Variants in FGF12 observed in about 807,000 individuals in gnomAD.
The protein encoded by FGF12 is fibroblast growth factor 12, also known as fibroblast growth factor 12B.
FGF12 carries 14 observed loss-of-function variants against 23.6 expected under a neutral mutation model. The ratio of observed to expected loss-of-function variants is 0.59; its 90% CI spans 0.39 to 0.93. The LOEUF is 0.93. Ranked by LOEUF, FGF12 falls within the 40% of genes least tolerant of loss-of-function variation. The pLI is 0.00. For synonymous variants in FGF12, 62 were observed against 77.3 expected (o/e 0.80, Z 1.04); for missense variants, 175 against 217.8 (o/e 0.80, Z 1.24).
At chr3:192,701,146 C>A (rs1194577572) in intron 2 of FGF12, among the ~76,000 whole-genome samples, 1 of 152,156 alleles carries the variant, frequency 6.6e-6, no homozygotes, top group African/African-American at 2.4e-5. Context: ...TATCTTAACC[C>A]AGACACTCCT....
chr3:192,483,999 A>G (rs910058911), intron 2 of FGF12, among the ~76,000 whole-genome samples: 1 of 152,148 alleles, frequency 6.6e-6, no homozygotes, highest in African/African-American at 2.4e-5. Flanking sequence ...TGACTGATCA[A>G]TATAAAAAAA....
intron 2 of FGF12, among the ~76,000 whole-genome samples, chr3:192,394,048 A>T (rs554104062): frequency 6.6e-6 from 1 of 152,326 alleles, no homozygotes; most frequent in Admixed American, 6.5e-5. Flanking sequence ...ACTGTCCTGC[A>T]GTATGACATT....
At chr3:192,724,564 C>T (rs983736151) in intron 2 of FGF12, among the ~76,000 whole-genome samples, 3 of 152,292 alleles carry the variant, frequency 2.0e-5, no homozygotes, top group African/African-American at 7.2e-5. Flanking sequence ...TCCGTCAGAG[C>T]TGCTCGGACT....
At chr3:192,510,534 C>T (rs1297883127) in intron 2 of FGF12, among the ~76,000 whole-genome samples, 1 of 152,174 alleles carries the variant, frequency 6.6e-6, no homozygotes, top group Non-Finnish European at 1.5e-5. Flanking sequence ...CAGCCATATG[C>T]TACAGCAACT....
chr3:192,571,743 C>T (rs1712645301), intron 2 of FGF12, among the ~76,000 whole-genome samples: 1 of 152,208 alleles, frequency 6.6e-6, no homozygotes, highest in South Asian at 2.1e-4. Context: ...ACGCGAGCAA[C>T]TTCCGAGCAG....
chr3:192,455,280 T>C (rs1031944660), intron 2 of FGF12, among the ~76,000 whole-genome samples: 1 of 152,202 alleles, frequency 6.6e-6, no homozygotes. Flanking sequence ...CTGAGCCTCT[T>C]AGGTTTCTGA....
chr3:192,525,198 CTG>C (rs1444402190), intron 2 of FGF12, among the ~76,000 whole-genome samples: 2 of 152,174 alleles, frequency 1.3e-5, no homozygotes, highest in Admixed American at 1.3e-4. Flanking sequence ...ACTCCTGGAT[CTG>C]TGTCTGCTGA....
chr3:192,222,609 T>C (rs1718533633), intron 4 of FGF12, among the ~76,000 whole-genome samples: 1 of 152,142 alleles, frequency 6.6e-6, no homozygotes, highest in South Asian at 2.1e-4. Context: ...TCCTCCACAC[T>C]CAAAGATAAT....
intron 4 of FGF12, among the ~76,000 whole-genome samples, chr3:192,207,094 G>T (rs1312232131): frequency 6.6e-6 from 1 of 152,096 alleles, no homozygotes; most frequent in East Asian, 1.9e-4. Flanking sequence ...AAAGCTATAG[G>T]CTTTATTGGC....
intron 4 of FGF12, among the ~76,000 whole-genome samples, chr3:192,301,326 G>A (rs1471139473): frequency 1.3e-5 from 2 of 152,100 alleles, no homozygotes; most frequent in Non-Finnish European, 1.5e-5. Context: ...AAAGAAACAG[G>A]GTCCCACTAA....
intron 4 of FGF12, among the ~76,000 whole-genome samples, chr3:192,273,953 T>C (rs1233914704): frequency 6.6e-6 from 1 of 151,664 alleles, no homozygotes; most frequent in Non-Finnish European, 1.5e-5. Context: ...ATGCCTGTCA[T>C]CAGCATCGTA....
chr3:192,477,448 A>G (rs1353818114), intron 2 of FGF12, among the ~76,000 whole-genome samples: 1 of 152,238 alleles, frequency 6.6e-6, no homozygotes, highest in African/African-American at 2.4e-5. Flanking sequence ...AGTATAGTTT[A>G]TAGACAATTT....
intron 2 of FGF12, among the ~76,000 whole-genome samples, chr3:192,645,621 G>T (rs1170669770): frequency 1.3e-5 from 2 of 152,058 alleles, no homozygotes; most frequent in Non-Finnish European, 2.9e-5. Context: ...CATCAGATAT[G>T]TCTAGGGGAG....
intron 4 of FGF12, among the ~76,000 whole-genome samples, chr3:192,293,739 T>C (rs1714885335): frequency 6.6e-6 from 1 of 152,212 alleles, no homozygotes; most frequent in African/African-American, 2.4e-5. Flanking sequence ...CCTTTTCTTT[T>C]GATTCAGGGT....
chr3:192,440,770 T>C (rs73066253), intron 2 of FGF12, among the ~76,000 whole-genome samples: 9,278 of 152,302 alleles, frequency 0.061, 893 homozygotes, highest in African/African-American at 0.2. Flanking sequence ...TGATGCCCTA[T>C]GTGTCAGCCA....
At chr3:192,162,582 AAG>A (rs964790668) in intron 5 of FGF12, among the ~76,000 whole-genome samples, 9 of 152,052 alleles carry the variant, frequency 5.9e-5, no homozygotes, top group Non-Finnish European at 1.0e-4. Context: ...ACACAAAAGA[AAG>A]AGTTGCAGCT....
intron 2 of FGF12, among the ~76,000 whole-genome samples, chr3:192,653,315 C>T (rs1453735137): frequency 6.6e-6 from 1 of 152,140 alleles, no homozygotes; most frequent in African/African-American, 2.4e-5. Flanking sequence ...GCATTCAGTC[C>T]ATTTCTTTAG....
intron 4 of FGF12, among the ~76,000 whole-genome samples, chr3:192,278,228 A>G (rs561812697): frequency 4.6e-5 from 7 of 152,296 alleles, no homozygotes; most frequent in Admixed American, 2.6e-4. Flanking sequence ...ATAGATATGA[A>G]CTCTAAAATT....
intron 2 of FGF12, among the ~76,000 whole-genome samples, chr3:192,559,330 T>C (rs2108592887): frequency 6.6e-6 from 1 of 152,014 alleles, no homozygotes; most frequent in Non-Finnish European, 1.5e-5. Context: ...AAAGAAGACA[T>C]ATAAATGGTC....
Sources: gnomAD v4.1 joint callset for allele counts (sites outside exome capture counted in the v4.1 genomes callset) on GRCh38, gnomAD v4.1.1 for gene constraint, MANE v1.5 for transcripts, NCBI Gene and HGNC (gene_info 2026-07-23, HGNC 2026-07-21) for gene names.